The following UGT2B17 variants were observed in gnomAD, a reference collection of about 807,000 sequenced individuals.
The protein encoded by UGT2B17 is UDP glucuronosyltransferase family 2 member B17.
In UGT2B17, 21 loss-of-function variants were observed where a neutral mutation model predicts 48.2. The ratio of observed to expected loss-of-function variants is 0.44; its 90% confidence interval spans 0.31 to 0.63. The LOEUF (loss-of-function observed/expected upper bound fraction) is 0.63, where lower values mean the gene tolerates loss of function less well. Ranked by LOEUF, UGT2B17 falls within the 20% of genes least tolerant of loss-of-function variation. UGT2B17 has a pLI of 0.08. For synonymous variants in UGT2B17, 146 were observed against 238.4 expected (o/e 0.61, Z 3.57); for missense variants, 402 against 696.1 (o/e 0.58, Z 4.75).
In UGT2B17 at chr4:68,551,041, T is replaced by C. The variant is rs866884118; in HGVS notation, c.1094-145A>G. 33 of 674,748 alleles carry C rather than the reference T, an allele frequency of 4.9e-5. 6 individuals carry two copies. The highest frequency in any genetic ancestry group is 3.2e-4 in the Middle Eastern group (1 of 3,132). The allele number at this position is 674,748 out of a possible 1,614,324, so 41.8% of individuals were successfully genotyped here. The stretch of plus-strand genomic sequence containing the variant: ...ACTGCATTGAAATTGTTTTCAAATT[T>C]CAGAGGAAGAAGCACCTACTTCTGC... On this transcript the variant is annotated intron_variant, in intron 5 of 6. Transcript: ENST00000317746.
chr4:68,573,073 T>C (rs1429487773), intron 1 of UGT2B17, among the ~76,000 whole-genome samples: 1 of 127,778 alleles, frequency 7.8e-6, no homozygotes, highest in Non-Finnish European at 1.7e-5. Context: ...TAGCTAATGA[T>C]GTCCTTTGGT....
intron 5 of UGT2B17, among the ~76,000 whole-genome samples, chr4:68,551,614 A>G (rs956678486): frequency 2.4e-5 from 3 of 126,550 alleles, no homozygotes; most frequent in African/African-American, 8.1e-5. Flanking sequence ...TATTCTGACC[A>G]TAAAGAATGT....
chr4:68,553,925 C>T (rs1730958854), intron 4 of UGT2B17, among the ~76,000 whole-genome samples: 1 of 123,660 alleles, frequency 8.1e-6, no homozygotes, highest in Non-Finnish European at 1.7e-5. Context: ...AGGCAAAAGG[C>T]ACCCCTAAGC....
Position 68,565,756 on chromosome 4 carries a change from T to C in UGT2B17, c.725-36A>G, listed in dbSNP as rs758813070. 2.4e-5 allele frequency: 31 copies of C among 1,318,086 alleles called. 9 individuals carry two copies. Among genetic ancestry groups the C allele is most frequent in the Non-Finnish European group, 2.9e-5 (30 of 1,022,534 alleles). 81.6% of individuals were successfully genotyped at this position (1,318,086 alleles called of 1,614,324 possible). ...AAAACAAAACAAAACAAAAGGTAGC[T>C]AACACGAGAATTGTTATTTTAATAT... On this transcript the variant is annotated intron_variant, in intron 2 of 6. Coordinates refer to ENST00000317746, the MANE Select transcript of UGT2B17 (RefSeq NM_001077.4).
At position 68,575,088 on chromosome 4, in the gene UGT2B17, C is replaced by T. The variant is rs1284376487; in HGVS notation, c.-65+863G>A. On this transcript the variant is annotated intron_variant, in intron 1 of 6. Transcript: ENST00000317746. ...TACACTGTCAACTTTTAGCAAACTT[C>T]GCTTTTGTTGAAAACCTTGTAAGTT... 6.5e-5 allele frequency among the ~76,000 whole-genome samples: 8 copies of T among 123,516 alleles called. 2 individuals carry two copies. Among genetic ancestry groups the T allele is most frequent in the Non-Finnish European group, 1.2e-4 (7 of 59,100 alleles). 81.0% of individuals were successfully genotyped at this position (123,516 alleles called of 152,430 possible).
rs1731095324 is a variant in UGT2B17 at position 68,561,157 on chromosome 4, T to C, written c.874-489A>G. 1.6e-5 allele frequency among the ~76,000 whole-genome samples: 2 copies of C among 123,622 alleles called. 1 individual carries two copies. Among genetic ancestry groups the C allele is most frequent in the African/African-American group, 5.5e-5 (2 of 36,140 alleles). 81.1% of individuals were successfully genotyped at this position (123,622 alleles called of 152,430 possible). ...GGAGCCATTACATGACTATGAGCAATGAGGAAAAGTTAGTTACAATTAGAA... is the reference window on the plus strand; with the variant it reads ...GGAGCCATTACATGACTATGAGCAACGAGGAAAAGTTAGTTACAATTAGAA... On this transcript the variant is annotated intron_variant, in intron 3 of 6. Coordinates refer to ENST00000317746, the MANE Select transcript of UGT2B17 (RefSeq NM_001077.4).
chr4:68,550,444 C>G (rs1730893700), intron 6 of UGT2B17, among the ~76,000 whole-genome samples: 1 of 124,756 alleles, frequency 8.0e-6, no homozygotes, highest in Non-Finnish European at 1.7e-5. Flanking sequence ...ATGTACATAT[C>G]TTTAATTTTT....
In UGT2B17 at chr4:68,557,549, G is replaced by C. The variant is rs1450184754; in HGVS notation, c.1005+2988C>G. Reference sequence around the variant, plus strand: ...TTTTGTTTTTTTTTTTAGAGTGAAGGAATCTTTCTTTTTTTGAGCTATTAA... The same window carrying C: ...TTTTGTTTTTTTTTTTAGAGTGAAGCAATCTTTCTTTTTTTGAGCTATTAA... On this transcript the variant is annotated intron_variant, in intron 4 of 6. Coordinates refer to ENST00000317746, the MANE Select transcript of UGT2B17 (RefSeq NM_001077.4). Among the ~76,000 whole-genome samples, 2 of 122,410 alleles carry C rather than the reference G, an allele frequency of 1.6e-5. 1 individual carries two copies. Among genetic ancestry groups the C allele is most frequent in the Non-Finnish European group, 3.4e-5 (2 of 58,238 alleles). 80.3% of individuals were successfully genotyped at this position (122,410 alleles called of 152,430 possible).
chr4:68,538,005 AAAGT>A (rs1730587089), intron 6 of UGT2B17, 101 bp from the exon 7 acceptor site: 2 of 827,714 alleles, frequency 2.4e-6, no homozygotes, highest in African/African-American at 1.8e-5. Context: ...CAAGTGATTC[AAAGT>A]AAGTGTCATT....
rs867330623 is a variant in UGT2B17, at chr4:68,572,564, T to G, written c.-65+3387A>C. 3.2e-5 allele frequency among the ~76,000 whole-genome samples: 4 copies of G among 126,710 alleles called. 1 individual carries two copies. The highest frequency in any genetic ancestry group is 6.7e-5 in the Non-Finnish European group (4 of 59,730). 83.1% of individuals were successfully genotyped at this position (126,710 alleles called of 152,430 possible). On this transcript the variant is annotated intron_variant, in intron 1 of 6. Transcript: ENST00000317746. ...AGGGCATATAGAACCAGGAAGCTGA[T>G]AAGAAAGACGATTATGAGGGCGTGA...
chr4:68,552,369 G>T (rs771698852), intron 4 of UGT2B17, among the ~76,000 whole-genome samples: 1 of 126,116 alleles, frequency 7.9e-6, no homozygotes, highest in Non-Finnish European at 1.7e-5. Flanking sequence ...TGACCTGGAA[G>T]CCCCTTCCAT....
chr4:68,568,118 A>G lies in UGT2B17; in HGVS notation c.367T>C (p.Tyr123His). ...GCATCTTCACAGAGCTTTATATTAT[A>G]GTCAGAATATTCCCAACACAATTCT... ...LQELCWEYSD[Y>H]NIKLCEDAVL... The change falls in exon 2 of 7, where the codon TAT (tyrosine) becomes CAT (histidine). Residue 123 changes from tyrosine to histidine, a missense_variant. Physicochemically the swap from Tyr to His is moderately conservative, Grantham distance 83. Around this residue, in one of 5 missense-constraint regions of UGT2B17, gnomAD observed 84 missense variants for 92.6 expected, o/e 0.91. Transcript: ENST00000317746. 1.4e-6 allele frequency: 2 copies of G among 1,382,200 alleles called. 1 individual carries two copies. The highest frequency in any genetic ancestry group is 1.9e-6 in the Non-Finnish European group (2 of 1,055,366). 85.6% of individuals were successfully genotyped at this position (1,382,200 alleles called of 1,614,324 possible).
chr4:68,544,104 A>C (rs1181608233), intron 6 of UGT2B17, among the ~76,000 whole-genome samples: 1 of 125,744 alleles, frequency 8.0e-6, no homozygotes, highest in Non-Finnish European at 1.7e-5. Flanking sequence ...ACTCCTCAAG[A>C]AGAGCAACTC....
chr4:68,545,076 A>C (rs952014383), intron 6 of UGT2B17, among the ~76,000 whole-genome samples: 1 of 126,096 alleles, frequency 7.9e-6, no homozygotes, highest in African/African-American at 2.7e-5. Flanking sequence ...AAGAGGACCT[A>C]ATAGACATCT....
chr4:68,562,239 CT>C lies in UGT2B17; in HGVS notation c.874-1572del, dbSNP rs1355809711. Among the ~76,000 whole-genome samples the C allele has an allele frequency of 1.8e-4, 23 of 124,418 alleles. 6 individuals carry two copies. Among genetic ancestry groups the C allele is most frequent in the Admixed American group, 8.3e-5 (1 of 12,022 alleles). The allele number at this position is 124,418 out of a possible 152,430, so 81.6% of individuals were successfully genotyped here. A position where few individuals can be genotyped will look rare whatever the true frequency, so the allele number is the denominator to read the frequency against. ...CAAGCAATTCTCCTGCCTCAGCCTC[CT>C]GAGTAGCTGGGATTACAGGCACCTG... On this transcript the variant is annotated intron_variant, in intron 3 of 6. Transcript: ENST00000317746.
Position 68,558,420 on chromosome 4 carries a change from C to A in UGT2B17, c.1005+2117G>T, listed in dbSNP as rs1364682648. On this transcript the variant is annotated intron_variant, in intron 4 of 6. Coordinates refer to ENST00000317746, the MANE Select transcript of UGT2B17 (RefSeq NM_001077.4). ...AACTAAGCTATGCTTTCATAAAGCCCTACAAATTAAGCTAGACAACTTAAA... is the reference window on the plus strand; with the variant it reads ...AACTAAGCTATGCTTTCATAAAGCCATACAAATTAAGCTAGACAACTTAAA... Among the ~76,000 whole-genome samples the A allele has an allele frequency of 2.4e-5, 3 of 126,006 alleles. 1 individual carries two copies. The highest frequency in any genetic ancestry group is 5.1e-5 in the Non-Finnish European group (3 of 59,300). The allele number at this position is 126,006 out of a possible 152,430, so 82.7% of individuals were successfully genotyped here.
chr4:68,546,677 T>C (rs11725019), intron 6 of UGT2B17, among the ~76,000 whole-genome samples: 68,768 of 123,370 alleles, frequency 0.56, 26,764 homozygotes, highest in Middle Eastern at 0.81. Flanking sequence ...CTAGAAAACC[T>C]GATCGTCTGA....
chr4:68,540,523 T>A (rs1730636443), intron 6 of UGT2B17, among the ~76,000 whole-genome samples: 1 of 126,348 alleles, frequency 7.9e-6, no homozygotes, highest in African/African-American at 2.7e-5. Flanking sequence ...AGGGTTTCAC[T>A]ATGTTGGCCA....
At chr4:68,553,026 G>A (rs1730943468) in intron 4 of UGT2B17, among the ~76,000 whole-genome samples, 1 of 125,046 alleles carries the variant, frequency 8.0e-6, no homozygotes, top group African/African-American at 2.7e-5. Context: ...CCATCCGTAG[G>A]TAAATAGCTG....
Sources: gnomAD v4.1 joint callset for allele counts (sites outside exome capture counted in the v4.1 genomes callset) on GRCh38, gnomAD v4.1.1 for gene constraint, gnomAD v4.1.1 regional missense constraint, MANE v1.5 for transcripts, NCBI Gene and HGNC (gene_info 2026-07-23, HGNC 2026-07-21) for gene names.